The following TMEM132D variants were observed in gnomAD, a reference collection of about 807,000 sequenced individuals.
The protein encoded by TMEM132D is mature OL transmembrane protein.
A neutral mutation model predicts 62.3 loss-of-function variants in TMEM132D; 21 were observed. The ratio of observed to expected loss-of-function variants is 0.34; its 90% CI spans 0.24 to 0.49. The LOEUF is 0.49. Ranked by LOEUF, TMEM132D falls within the 20% of genes least tolerant of loss-of-function variation. TMEM132D has a pLI of 0.99. For synonymous variants in TMEM132D, 621 were observed against 575.6 expected (o/e 1.08, Z -1.13); for missense variants, 1,346 against 1,402.8 (o/e 0.96, Z 0.65).
chr12:129,635,363 C>G (rs993716970), intron 2 of TMEM132D, among the ~76,000 whole-genome samples: 1 of 152,206 alleles, frequency 6.6e-6, no homozygotes, highest in Non-Finnish European at 1.5e-5. Context: ...AAACAACAAA[C>G]AGACAAAAGA....
At chr12:129,159,826 A>G (rs1199218691) in intron 5 of TMEM132D, among the ~76,000 whole-genome samples, 3 of 151,302 alleles carry the variant, frequency 2.0e-5, no homozygotes, top group Non-Finnish European at 4.4e-5. Context: ...AGGAAAACAG[A>G]TATGGTTCTA....
chr12:129,507,986 T>G (rs977770975), intron 3 of TMEM132D, among the ~76,000 whole-genome samples: 9 of 152,136 alleles, frequency 5.9e-5, no homozygotes, highest in Non-Finnish European at 4.4e-5. Flanking sequence ...CTGCAGACTA[T>G]CCTTCTTTTG....
intron 1 of TMEM132D, among the ~76,000 whole-genome samples, chr12:129,712,452 A>C (rs1448733491): frequency 1.3e-5 from 2 of 152,132 alleles, no homozygotes; most frequent in Non-Finnish European, 2.9e-5. Flanking sequence ...AATAGAACTC[A>C]AGTTTTAATT....
intron 4 of TMEM132D, among the ~76,000 whole-genome samples, chr12:129,246,364 G>T (rs183925968): frequency 6.6e-6 from 1 of 152,284 alleles, no homozygotes; most frequent in East Asian, 1.9e-4. Context: ...CACCACGGCC[G>T]CTCTGCTTTT....
At chr12:129,095,411 G>T (rs2020395) in intron 5 of TMEM132D, among the ~76,000 whole-genome samples, 1 of 136,426 alleles carries the variant, frequency 7.3e-6, no homozygotes, top group Non-Finnish European at 1.5e-5. Flanking sequence ...GTGGAGTGAA[G>T]TGGTGCGATC....
At chr12:129,207,251 A>G (rs953862668) in intron 5 of TMEM132D, among the ~76,000 whole-genome samples, 1 of 140,380 alleles carries the variant, frequency 7.1e-6, no homozygotes, top group African/African-American at 2.6e-5. Flanking sequence ...CAGAAGATGA[A>G]TACAGCACCG....
chr12:129,519,695 G>T (rs532525821), intron 3 of TMEM132D, among the ~76,000 whole-genome samples: 1 of 151,030 alleles, frequency 6.6e-6, no homozygotes, highest in South Asian at 2.1e-4. Flanking sequence ...TGCAACCTCC[G>T]CCTCCTGGGT....
At position 129,074,694 on chromosome 12, in the gene TMEM132D, G is replaced by A. The variant is rs1565954768; in HGVS notation, c.2481C>T (p.Pro827=). ...TCCCCCATTCCTGCGAGGGTTTTTT[G>A]GGCCTTCTGTCACTGACATTGTTTT... ...HMENNVSDRR[P]KKPSQEWGSQ... is the part of the protein sequence containing the mutation. The change falls in exon 9 of 9, where the codon CCC becomes CCT. Residue 827 remains proline, a synonymous_variant. Transcript: ENST00000422113. 1 of 1,614,044 alleles carries A rather than the reference G, an allele frequency of 6.2e-7. No homozygotes were observed.
At chr12:129,643,812 C>T (rs1051366068) in intron 2 of TMEM132D, among the ~76,000 whole-genome samples, 3 of 151,758 alleles carry the variant, frequency 2.0e-5, no homozygotes, top group Admixed American at 6.6e-5. Context: ...CCCACCTTTC[C>T]GGACTGAACC....
chr12:129,818,057 ATG>A (rs1346045310), intron 1 of TMEM132D, among the ~76,000 whole-genome samples: 1 of 117,220 alleles, frequency 8.5e-6, no homozygotes, highest in Admixed American at 8.8e-5. Context: ...TGTGAGATGT[ATG>A]TGTGTGTATG....
At chr12:129,178,429 ATC>A (rs1474918646) in intron 5 of TMEM132D, among the ~76,000 whole-genome samples, 3 of 108,404 alleles carry the variant, frequency 2.8e-5, no homozygotes, top group African/African-American at 1.0e-4. Flanking sequence ...TCTCACCAGC[ATC>A]TGTTTTTTTT....
chr12:129,255,149 A>G (rs1222674402), intron 4 of TMEM132D, among the ~76,000 whole-genome samples: 2 of 152,184 alleles, frequency 1.3e-5, no homozygotes, highest in Non-Finnish European at 2.9e-5. Flanking sequence ...CCGCGACTGC[A>G]TGATTCTAAG....
chr12:129,370,393 G>T (rs1367044400), intron 3 of TMEM132D, among the ~76,000 whole-genome samples: 2 of 152,164 alleles, frequency 1.3e-5, no homozygotes, highest in East Asian at 1.9e-4. Context: ...TGAATGAATT[G>T]CTCCTTCACT....
chr12:129,899,406 C>CATGGATGG (rs373344068), intron 1 of TMEM132D, among the ~76,000 whole-genome samples: 2,181 of 102,680 alleles, frequency 0.021, 189 homozygotes, highest in African/African-American at 0.095. Flanking sequence ...TGGATGGATG[C>CATGGATGG]ATGGATGGAT....
chr12:129,886,819 G>T (rs1346075785), intron 1 of TMEM132D, among the ~76,000 whole-genome samples: 1 of 152,140 alleles, frequency 6.6e-6, no homozygotes, highest in Non-Finnish European at 1.5e-5. Context: ...TTACCCCCAT[G>T]CTGCTGTTCT....
intron 4 of TMEM132D, among the ~76,000 whole-genome samples, chr12:129,268,773 G>A (rs867118293): frequency 6.6e-6 from 1 of 152,016 alleles, no homozygotes; most frequent in African/African-American, 2.4e-5. Context: ...CAACCCAAAT[G>A]TCCAACAATG....
chr12:129,083,578 G>A (rs940550179), intron 6 of TMEM132D, among the ~76,000 whole-genome samples: 3 of 152,114 alleles, frequency 2.0e-5, no homozygotes, highest in East Asian at 3.9e-4. Flanking sequence ...CACAGCCTTC[G>A]TCCTTGAAGC....
chr12:129,844,726 C>A (rs1164521060), intron 1 of TMEM132D, among the ~76,000 whole-genome samples: 1 of 152,162 alleles, frequency 6.6e-6, no homozygotes, highest in Non-Finnish European at 1.5e-5. Flanking sequence ...AGAATCATAA[C>A]CTCTCCCTTA....
intron 1 of TMEM132D, among the ~76,000 whole-genome samples, chr12:129,820,182 A>G (rs969376420): frequency 1.3e-5 from 2 of 152,080 alleles, no homozygotes; most frequent in Admixed American, 6.5e-5. Flanking sequence ...AATCCTTTTC[A>G]GGAGTTCTTT....
Sources: allele counts gnomAD v4.1 joint callset (sites outside exome capture counted in the v4.1 genomes callset), GRCh38; gene constraint gnomAD v4.1.1; transcripts MANE v1.5; gene names NCBI Gene and HGNC (gene_info 2026-07-23, HGNC 2026-07-21).